Variants in MYO5B observed in about 807,000 individuals in gnomAD.
The protein encoded by MYO5B is myosin VB, also known as unconventional myosin-Vb.
In MYO5B, 143 loss-of-function variants were observed where a neutral mutation model predicts 229.3. The observed-to-expected ratio is 0.62, with a 90% CI of 0.54 to 0.72. The LOEUF (loss-of-function observed/expected upper bound fraction) is 0.72. Among genes scored for constraint, MYO5B ranks in the 30% least tolerant of loss-of-function variants. The probability of loss-of-function intolerance (pLI) is 0.00; values close to 1 mark genes in which losing one functional copy is unlikely to be tolerated. For synonymous variants in MYO5B, 918 were observed against 885.2 expected, an observed-to-expected ratio of 1.04 and a Z score of -0.66; for missense variants, 2,321 against 2,331.0, an observed-to-expected ratio of 1.00 and a Z score of 0.09.
At chr18:50,017,718 A>C (rs1225754289) in intron 4 of MYO5B, among the ~76,000 whole-genome samples, 2 of 152,172 alleles carry the variant, frequency 1.3e-5, no homozygotes, top group Non-Finnish European at 2.9e-5. Context: ...TGAAAATCTC[A>C]TACTTTGAGC....
intron 14 of MYO5B, 124 bp from the exon 15 acceptor site, chr18:49,937,521 C>A: frequency 9.1e-7 from 1 of 1,099,596 alleles, no homozygotes; most frequent in Non-Finnish European, 1.3e-6. Context: ...AAAACCCACA[C>A]ACCAACCTGC....
intron 1 of MYO5B, among the ~76,000 whole-genome samples, chr18:50,127,286 C>A (rs2032179573): frequency 6.6e-6 from 1 of 152,194 alleles, no homozygotes; most frequent in African/African-American, 2.4e-5. Context: ...TCTTCTAGTG[C>A]CTGTAGGAAC....
intron 21 of MYO5B, among the ~76,000 whole-genome samples, chr18:49,897,276 G>T (rs775511408): frequency 6.6e-6 from 1 of 152,084 alleles, no homozygotes; most frequent in Admixed American, 6.5e-5. Flanking sequence ...CCACACCCTC[G>T]GAGACCCCAG....
intron 4 of MYO5B, among the ~76,000 whole-genome samples, chr18:50,030,566 G>A (rs1029277448): frequency 1.3e-5 from 2 of 149,510 alleles, no homozygotes; most frequent in Admixed American, 1.3e-4. Flanking sequence ...CCTCCTCCAA[G>A]AGCCCAACCA....
chr18:50,146,259 C>A (rs1322411974), intron 1 of MYO5B, among the ~76,000 whole-genome samples: 1 of 152,212 alleles, frequency 6.6e-6, no homozygotes, highest in Non-Finnish European at 1.5e-5. Flanking sequence ...GAAATCAAAA[C>A]CCAGGGTGGC....
At chr18:49,994,419 A>C (rs530541432) in intron 5 of MYO5B, among the ~76,000 whole-genome samples, 99 of 152,304 alleles carry the variant, frequency 6.5e-4, no homozygotes, top group Non-Finnish European at 1.2e-3. Flanking sequence ...TCTTGCAAAA[A>C]CCAGTTGGAG....
chr18:49,975,164 C>A (rs1371236741), intron 9 of MYO5B, among the ~76,000 whole-genome samples: 1 of 152,246 alleles, frequency 6.6e-6, no homozygotes, highest in African/African-American at 2.4e-5. Context: ...TCCTCCCTTA[C>A]AGGCATTGCC....
chr18:49,869,321 G>A (rs72642498), intron 27 of MYO5B, among the ~76,000 whole-genome samples: 36,498 of 152,048 alleles, frequency 0.24, 4,520 homozygotes, highest in East Asian at 0.41. Context: ...TCTGGGCTGG[G>A]CCTGGTTGAG....
At chr18:49,912,587 T>G (rs2024970637) in intron 17 of MYO5B, among the ~76,000 whole-genome samples, 1 of 152,218 alleles carries the variant, frequency 6.6e-6, no homozygotes, top group African/African-American at 2.4e-5. Context: ...TGGTAGTGAA[T>G]AAGTCTCATG....
At chr18:49,967,844 A>G (rs1406563290) in intron 10 of MYO5B, among the ~76,000 whole-genome samples, 1 of 150,556 alleles carries the variant, frequency 6.6e-6, no homozygotes, top group Non-Finnish European at 1.5e-5. Flanking sequence ...CTGTGCCTAG[A>G]TGCCCCCACC....
At position 49,906,558 on chromosome 18, in the gene MYO5B, G is replaced by A. The variant is rs748559425; in HGVS notation, c.2275C>T (p.Leu759=). 3.1e-6 allele frequency: 5 copies of A among 1,614,210 alleles called. No individual in the cohort carries two copies. The East Asian group carries it at 8.9e-5, about 29-fold the overall frequency. Residue 759 remains leucine, a synonymous_variant, in exon 19 of 40, where the codon CTG becomes TTG. Transcript: ENST00000285039. ...RAGQVAYLEK[L]RADKFRTATI... ...GCTGTCCGGAACTTGTCAGCCCGCA[G>A]CTTCTCCAGGTAGGCCACCTGGCCT...
At chr18:49,841,803 C>T (rs968933720) in intron 34 of MYO5B, among the ~76,000 whole-genome samples, 4 of 152,340 alleles carry the variant, frequency 2.6e-5, no homozygotes, top group East Asian at 1.9e-4. Context: ...CTCGTCTAAC[C>T]GCCTGGGCTA....
At chr18:50,084,689 C>T (rs138833840) in intron 1 of MYO5B, among the ~76,000 whole-genome samples, 6,487 of 152,250 alleles carry the variant, frequency 0.043, 146 homozygotes, top group African/African-American at 0.054. Flanking sequence ...GTAACCACAA[C>T]AGCATGGTAC....
At chr18:50,105,489 G>A (rs987778771) in intron 1 of MYO5B, among the ~76,000 whole-genome samples, 2 of 152,064 alleles carry the variant, frequency 1.3e-5, no homozygotes, top group Admixed American at 6.5e-5. Flanking sequence ...TGGGAAAACC[G>A]CACTCCACGA....
chr18:49,942,396 A>AAACAAAAAAC (rs1555645743), intron 14 of MYO5B, among the ~76,000 whole-genome samples: 1 of 134,012 alleles, frequency 7.5e-6, no homozygotes, highest in Non-Finnish European at 1.5e-5. Flanking sequence ...AAAAAAAAAA[A>AAACAAAAAAC]AAAAAAAAAC....
At chr18:50,054,528 T>TCC (rs1359757546) in intron 2 of MYO5B, among the ~76,000 whole-genome samples, 4 of 152,252 alleles carry the variant, frequency 2.6e-5, no homozygotes, top group African/African-American at 9.6e-5. Context: ...TGGCACAGCA[T>TCC]ATAGGGTGAG....
rs538039650 is a variant in MYO5B at position 50,031,585 on chromosome 18, C to T, written c.455+5265G>A. Among the ~76,000 whole-genome samples, 7 of 152,290 alleles carry T rather than the reference C, an allele frequency of 4.6e-5. No homozygotes were observed. In the South Asian group the frequency reaches 1.5e-3, roughly 32 times the overall value. The stretch of plus-strand genomic sequence containing the variant: ...AAGTCTCACACTTTATAATTCCCTG[C>T]CTTTCATCCATACTATACACAGATA... On this transcript the variant is annotated intron_variant, in intron 4 of 39. Transcript: ENST00000285039.
At chr18:49,954,075 C>CAT (rs1481742763) in intron 13 of MYO5B, among the ~76,000 whole-genome samples, 24 of 104,982 alleles carry the variant, frequency 2.3e-4, no homozygotes, top group East Asian at 5.6e-4. Context: ...TGTGTGTATT[C>CAT]ATATATATAT....
rs183960938 is a variant in MYO5B at position 50,052,665 on chromosome 18, C to T, written c.138+2603G>A. Among the ~76,000 whole-genome samples the T allele has an allele frequency of 4.6e-3, 691 of 149,328 alleles. 5 individuals carry two copies. The highest frequency in any genetic ancestry group is 0.016 in the African/African-American group (643 of 40,466). ...GCACATGTATACATATGTAACTAAC[C>T]TGCACATTGTGCACATGTACCCTAA... On this transcript the variant is annotated intron_variant, in intron 2 of 39. Transcript: ENST00000285039.
Sources: allele counts gnomAD v4.1 joint callset (sites outside exome capture counted in the v4.1 genomes callset), GRCh38; gene constraint gnomAD v4.1.1; transcripts MANE v1.5; gene names NCBI Gene and HGNC (gene_info 2026-07-23, HGNC 2026-07-21).